The following SLIT2 variants were observed in gnomAD, a reference collection of about 807,000 sequenced individuals.
SLIT2 encodes slit homolog 2 protein.
A neutral mutation model predicts 185.7 loss-of-function variants in SLIT2; 41 were observed. That is an observed-to-expected ratio of 0.22 (90% CI 0.17 to 0.29). The LOEUF is 0.29. Among genes scored for constraint, SLIT2 ranks in the 10% least tolerant of loss-of-function variants. The probability of loss-of-function intolerance (pLI) is 1.00; values close to 1 mark genes in which losing one functional copy is unlikely to be tolerated. For missense variants in SLIT2, 1,571 were observed against 1,909.0 expected (o/e 0.82, Z 3.30); for synonymous variants, 693 against 680.2 (o/e 1.02, Z -0.29).
At position 20,252,313 on chromosome 4, in the gene SLIT2, C is replaced by T. The variant is rs534032678; in HGVS notation, c.-1503C>T. On this transcript the variant is annotated 5_prime_UTR_variant, in exon 1 of 37. Transcript: ENST00000504154. The stretch of plus-strand genomic sequence containing the variant: ...GCCAGGGGCTCCGGAGTCGGCAGAG[C>T]CACCGAGTCCCCGCTCTGAGTCGTC... 1.6e-3 allele frequency among the ~76,000 whole-genome samples: 248 copies of T among 152,304 alleles called. No homozygotes were observed. Among genetic ancestry groups the T allele is most frequent in the African/African-American group, 4.6e-3 (191 of 41,576 alleles).
At chr4:20,367,367 A>G (rs2109308192) in intron 4 of SLIT2, among the ~76,000 whole-genome samples, 1 of 152,278 alleles carries the variant, frequency 6.6e-6, no homozygotes, top group African/African-American at 2.4e-5. Context: ...TTTGTAAGTA[A>G]AGTATATTTG....
At chr4:20,319,814 A>AC (rs1718904247) in intron 4 of SLIT2, among the ~76,000 whole-genome samples, 5 of 151,910 alleles carry the variant, frequency 3.3e-5, no homozygotes, top group African/African-American at 1.2e-4. Context: ...AACAAAACAA[A>AC]AAAAAAACAA....
chr4:20,560,991 A>T (rs1724644603), intron 26 of SLIT2, among the ~76,000 whole-genome samples: 1 of 151,894 alleles, frequency 6.6e-6, no homozygotes, highest in Non-Finnish European at 1.5e-5. Context: ...AAGTCTGGTG[A>T]TAGAAATATG....
chr4:20,274,629 G>A (rs6447952), intron 4 of SLIT2, among the ~76,000 whole-genome samples: 70,090 of 151,922 alleles, frequency 0.46, 17,772 homozygotes, highest in East Asian at 0.87. Flanking sequence ...AAAGCTAACA[G>A]TTGTCCGGTT....
At chr4:20,404,217 C>G (rs1212171807) in intron 4 of SLIT2, among the ~76,000 whole-genome samples, 1 of 151,912 alleles carries the variant, frequency 6.6e-6, no homozygotes, top group African/African-American at 2.4e-5. Flanking sequence ...TCTATTGTGT[C>G]TTAGCAAATT....
intron 6 of SLIT2, among the ~76,000 whole-genome samples, 176 bp downstream of exon 6, chr4:20,480,963 G>T (rs367740973): frequency 6.6e-6 from 1 of 151,978 alleles, no homozygotes; most frequent in African/African-American, 2.4e-5. Flanking sequence ...GCAAAACCTT[G>T]CGTACCATAT....
chr4:20,443,106 A>G (rs1435072707), intron 4 of SLIT2, among the ~76,000 whole-genome samples: 1 of 152,212 alleles, frequency 6.6e-6, no homozygotes, highest in Admixed American at 6.5e-5. Context: ...ATATCAGGGA[A>G]TGCAGTGACA....
chr4:20,478,810 A>C (rs1192890202), intron 5 of SLIT2, among the ~76,000 whole-genome samples: 1 of 152,190 alleles, frequency 6.6e-6, no homozygotes, highest in African/African-American at 2.4e-5. Flanking sequence ...AGAGAATAGT[A>C]GTGTAGATAT....
At chr4:20,475,873 CAT>C (rs1560458670) in intron 5 of SLIT2, among the ~76,000 whole-genome samples, 2 of 152,204 alleles carry the variant, frequency 1.3e-5, no homozygotes, top group East Asian at 3.9e-4. Flanking sequence ...AATTGACAAA[CAT>C]ATAACTTTAT....
chr4:20,584,524 A>G (rs1462769076), intron 29 of SLIT2, among the ~76,000 whole-genome samples: 4 of 152,262 alleles, frequency 2.6e-5, no homozygotes, highest in Non-Finnish European at 5.9e-5. Flanking sequence ...TTGTACAAGC[A>G]AGAATGAATG....
Position 20,284,573 on chromosome 4 carries a change from G to A in SLIT2, c.395+15692G>A, listed in dbSNP as rs578192237. Among the ~76,000 whole-genome samples the A allele has an allele frequency of 1.4e-4, 22 of 152,232 alleles. No individual in the cohort carries two copies. In the South Asian group the frequency reaches 1.5e-3, roughly 10 times the overall value. ...AGCATCATCTTTTTAATATCTTTGC[G>A]TATGTTCTTTCTTGATAGTGTTTGA... On this transcript the variant is annotated intron_variant, in intron 4 of 36. Transcript: ENST00000504154.
At chr4:20,330,859 G>T (rs1720003996) in intron 4 of SLIT2, among the ~76,000 whole-genome samples, 1 of 152,028 alleles carries the variant, frequency 6.6e-6, no homozygotes, top group Non-Finnish European at 1.5e-5. Flanking sequence ...TACTTGTTAA[G>T]GAAAGAGACA....
chr4:20,464,817 C>T (rs900742213), intron 4 of SLIT2, among the ~76,000 whole-genome samples: 2 of 151,940 alleles, frequency 1.3e-5, no homozygotes, highest in Admixed American at 1.3e-4. Context: ...CAAGTGCTTT[C>T]TTGCTTTTTT....
chr4:20,546,683 ATC>A (rs1030681781), intron 22 of SLIT2, among the ~76,000 whole-genome samples: 4 of 152,236 alleles, frequency 2.6e-5, no homozygotes, highest in Admixed American at 6.5e-5. Flanking sequence ...TTAAAATAAC[ATC>A]TCTTTTTTTA....
At chr4:20,307,289 G>A (rs1206678029) in intron 4 of SLIT2, among the ~76,000 whole-genome samples, 1 of 94,290 alleles carries the variant, frequency 1.1e-5, no homozygotes, top group Non-Finnish European at 2.1e-5. Context: ...CTTAAACTAA[G>A]GGTCTCCTTG....
chr4:20,463,448 G>GATAGATAGATATATATATAT (rs1459962322), intron 4 of SLIT2, among the ~76,000 whole-genome samples: 3 of 67,316 alleles, frequency 4.5e-5, no homozygotes, highest in African/African-American at 5.9e-5. Flanking sequence ...CTCAAACTGT[G>GATAGATAGATATATATATAT]ATATATATAT....
At chr4:20,363,009 G>T (rs1270447660) in intron 4 of SLIT2, among the ~76,000 whole-genome samples, 1 of 151,980 alleles carries the variant, frequency 6.6e-6, no homozygotes, top group African/African-American at 2.4e-5. Context: ...TTCTGAGACT[G>T]AAACAATAAG....
intron 17 of SLIT2, among the ~76,000 whole-genome samples, chr4:20,532,845 A>G (rs1449637998): frequency 6.6e-6 from 1 of 152,188 alleles, no homozygotes; most frequent in Non-Finnish European, 1.5e-5. Context: ...CTTTTTAGCC[A>G]TAAGATGATT....
Position 20,409,342 on chromosome 4 carries a change from G to A in SLIT2, c.396-58410G>A, listed in dbSNP as rs1394524365. Among the ~76,000 whole-genome samples the A allele has an allele frequency of 3.5e-4, 53 of 152,146 alleles. 1 individual carries two copies. Among genetic ancestry groups the A allele is most frequent in the Admixed American group, 3.4e-3 (52 of 15,266 alleles). ...GCACTATTTAGTTTTCTGTTCCTGT[G>A]TTAGTTTGCTGAGGATAATGGCTTC... is the stretch of plus-strand genomic sequence containing the variant. On this transcript the variant is annotated intron_variant, in intron 4 of 36. Coordinates refer to ENST00000504154, the MANE Select transcript of SLIT2 (RefSeq NM_004787.4).
Sources: allele counts gnomAD v4.1 joint callset (sites outside exome capture counted in the v4.1 genomes callset), GRCh38; gene constraint gnomAD v4.1.1; transcripts MANE v1.5; gene names NCBI Gene and HGNC (gene_info 2026-07-23, HGNC 2026-07-21).